Variants in ZC3H12B observed in about 807,000 individuals in gnomAD.
ZC3H12B encodes the protein zinc finger CCCH-type containing 12B.
A neutral mutation model predicts 43.9 loss-of-function variants in ZC3H12B; 7 were observed. The observed-to-expected ratio is 0.16, with a 90% CI of 0.09 to 0.30. ZC3H12B has a LOEUF of 0.30. ZC3H12B is among the 10% of genes least tolerant of loss of function. ZC3H12B has a pLI of 1.00. For synonymous variants in ZC3H12B, 222 were observed against 241.7 expected (o/e 0.92, Z 0.76); for missense variants, 475 against 670.2 (o/e 0.71, Z 3.22).
the ZC3H12B span, among the ~76,000 whole-genome samples, chrX:65,042,194 A>C: frequency 8.9e-6 from 1 of 112,492 alleles, no homozygotes; most frequent in Non-Finnish European, 1.9e-5. Flanking sequence ...GATTGACTAG[A>C]ATAAAAACTT....
At chrX:65,185,626 T>G in the ZC3H12B span, 1 of 111,494 alleles carries the variant, frequency 9.0e-6, no homozygotes, top group Non-Finnish European at 1.9e-5. Flanking sequence ...TCTCCAAATA[T>G]CCATAAATAC....
chrX:65,090,300 TTGAC>T, the ZC3H12B span, among the ~76,000 whole-genome samples: 1 of 111,504 alleles, frequency 9.0e-6, no homozygotes, highest in African/African-American at 3.3e-5. Context: ...TGGTCCATCA[TTGAC>T]TGAAACATTG....
the ZC3H12B span, among the ~76,000 whole-genome samples, chrX:65,206,046 T>C: frequency 1.8e-5 from 2 of 112,203 alleles, no homozygotes; most frequent in African/African-American, 3.2e-5. Context: ...ACCATGCTCA[T>C]GGATGGCTAG....
the ZC3H12B span, among the ~76,000 whole-genome samples, chrX:65,096,421 G>GA: frequency 9.0e-6 from 1 of 111,676 alleles, no homozygotes; most frequent in Non-Finnish European, 1.9e-5. Context: ...GATTCTAATG[G>GA]AAAAATAGAC....
At chrX:65,176,571 A>T in the ZC3H12B span, among the ~76,000 whole-genome samples, 1,226 of 111,851 alleles carry the variant, frequency 0.011, 6 homozygotes, top group Non-Finnish European at 0.017. Context: ...TGGGTCCCTG[A>T]CATAATAAAA....
the ZC3H12B span, among the ~76,000 whole-genome samples, chrX:65,212,296 T>A: frequency 2.0e-5 from 1 of 49,926 alleles, no homozygotes; most frequent in Non-Finnish European, 3.2e-5. Context: ...TAATATATTA[T>A]ATAATATATA....
At chrX:65,347,915 C>T in the ZC3H12B span, among the ~76,000 whole-genome samples, 1 of 112,048 alleles carries the variant, frequency 8.9e-6, no homozygotes, top group African/African-American at 3.3e-5. Context: ...CATAAAAAAA[C>T]GATGAATTCA....
At chrX:65,263,031 A>G in the ZC3H12B span, among the ~76,000 whole-genome samples, 1 of 110,959 alleles carries the variant, frequency 9.0e-6, no homozygotes, top group Non-Finnish European at 1.9e-5. Context: ...AGAGCTTACT[A>G]ACTGTATGAC....
the ZC3H12B span, among the ~76,000 whole-genome samples, chrX:65,040,588 AT>A: frequency 1.8e-5 from 2 of 110,193 alleles, no homozygotes; most frequent in African/African-American, 6.6e-5. Context: ...TGAATTTTAG[AT>A]TTTTTTTATG....
At position 65,502,532 on chromosome X, in the gene ZC3H12B, G is replaced by A. The variant is rs369883605; in HGVS notation, c.1834G>A (p.Gly612Ser). The A allele has an allele frequency of 1.8e-5, 22 of 1,208,885 alleles. No individual in the cohort carries two copies. In the African/African-American group the frequency reaches 3.5e-4, roughly 19 times the overall value. The change falls in exon 5 of 5, where the codon GGC becomes AGC. Residue 612 changes from glycine (G) to serine (S), a missense_variant. Around this residue, in one of 3 missense-constraint regions of ZC3H12B, gnomAD observed 289 missense variants for 359.9 expected, o/e 0.80. Coordinates refer to ENST00000338957, the Ensembl canonical transcript of ZC3H12B. Reference sequence around the variant, plus strand: ...GGCTGTAGCTGATACCCATCCTGAAGGCAATTTGAAGCTGCACCGCTCAGC... The same window carrying A: ...GGCTGTAGCTGATACCCATCCTGAAAGCAATTTGAAGCTGCACCGCTCAGC...
the ZC3H12B span, among the ~76,000 whole-genome samples, chrX:65,170,398 G>T: frequency 4.5e-5 from 5 of 112,094 alleles, no homozygotes; most frequent in Non-Finnish European, 5.6e-5. Flanking sequence ...TCTGCCGAGA[G>T]ATCTGCTGTT....
At chrX:65,259,008 A>T in the ZC3H12B span, among the ~76,000 whole-genome samples, 9 of 111,955 alleles carry the variant, frequency 8.0e-5, no homozygotes, top group Non-Finnish European at 1.7e-4. Flanking sequence ...CAATTTACAG[A>T]TTCAATGTTA....
At chrX:65,228,725 C>G in the ZC3H12B span, among the ~76,000 whole-genome samples, 4 of 111,965 alleles carry the variant, frequency 3.6e-5, no homozygotes, top group South Asian at 1.5e-3. Flanking sequence ...CACAAGCATT[C>G]TTATACACCA....
At chrX:65,198,796 A>ATC in the ZC3H12B span, among the ~76,000 whole-genome samples, 3 of 111,327 alleles carry the variant, frequency 2.7e-5, no homozygotes, top group South Asian at 7.6e-4. Flanking sequence ...TTCTACACCA[A>ATC]TCTCTCTCTC....
At chrX:65,166,379 G>GT in the ZC3H12B span, among the ~76,000 whole-genome samples, 2 of 111,290 alleles carry the variant, frequency 1.8e-5, no homozygotes, top group Non-Finnish European at 3.8e-5. Flanking sequence ...TGAACTCATC[G>GT]TTTTTTATGG....
the ZC3H12B span, among the ~76,000 whole-genome samples, chrX:65,358,617 G>A: frequency 4.5e-5 from 5 of 111,215 alleles, no homozygotes; most frequent in Non-Finnish European, 7.5e-5. Flanking sequence ...CAGAAATAAA[G>A]ATGTTCTTTG....
the ZC3H12B span, among the ~76,000 whole-genome samples, chrX:65,061,920 A>T: frequency 8.9e-6 from 1 of 112,712 alleles, no homozygotes; most frequent in African/African-American, 3.2e-5. Context: ...ATGACCAGTG[A>T]TGATGAGCTT....
At chrX:65,072,037 G>A in the ZC3H12B span, among the ~76,000 whole-genome samples, 1 of 112,020 alleles carries the variant, frequency 8.9e-6, no homozygotes, top group Non-Finnish European at 1.9e-5. Context: ...ATGATATCTT[G>A]AAATATAATT....
chrX:65,302,497 G>GA, the ZC3H12B span, among the ~76,000 whole-genome samples: 1 of 111,622 alleles, frequency 9.0e-6, no homozygotes, highest in Non-Finnish European at 1.9e-5. Context: ...AAACTCTGAT[G>GA]AAAAAAATTA....
Sources: gnomAD v4.1 joint callset for allele counts (sites outside exome capture counted in the v4.1 genomes callset) on GRCh38, gnomAD v4.1.1 for gene constraint, gnomAD v4.1.1 regional missense constraint, MANE v1.5 for transcripts, NCBI Gene and HGNC (gene_info 2026-07-23, HGNC 2026-07-21) for gene names.